BRSK1: variants seen among roughly 807,000 people sequenced by gnomAD.
BRSK1 encodes serine/threonine-protein kinase BRSK1.
A neutral mutation model predicts 86.2 loss-of-function variants in BRSK1; 17 were observed. That is an observed-to-expected ratio of 0.20 (90% confidence interval 0.14 to 0.30). BRSK1 has a LOEUF of 0.30. Ranked by LOEUF, BRSK1 falls within the 10% of genes least tolerant of loss-of-function variation. The pLI is 1.00. For missense variants in BRSK1, 719 were observed against 1,071.9 expected, an observed-to-expected ratio of 0.67 and a Z score of 4.60; for synonymous variants, 464 against 440.1, an observed-to-expected ratio of 1.05 and a Z score of -0.68.
chr19:55,302,546 G>C lies in BRSK1; in HGVS notation c.858-151G>C, dbSNP rs144092764. 2 of 1,014,798 alleles carry C rather than the reference G, an allele frequency of 2.0e-6. No homozygotes were observed. Among genetic ancestry groups the C allele is most frequent in the East Asian group, 4.9e-5 (2 of 40,692 alleles). 62.9% of individuals were successfully genotyped at this position (1,014,798 alleles called of 1,614,324 possible). On this transcript the variant is annotated intron_variant, in intron 9 of 18. Coordinates refer to ENST00000309383, the MANE Select transcript of BRSK1 (RefSeq NM_032430.2). The surrounding 1 kb of genome is among the most constrained non-coding windows in gnomAD (Gnocchi z 6.3). Reference sequence around the variant, plus strand: ...CTGGACTCCTGGGTCTGAGATGGGGGGCGAGGTCTGGGGCGTCTGGATTCC... The same window carrying C: ...CTGGACTCCTGGGTCTGAGATGGGGCGCGAGGTCTGGGGCGTCTGGATTCC...
intron 14 of BRSK1, 116 bp downstream of exon 14, chr19:55,305,036 CCA>C (rs2088628865): frequency 2.0e-6 from 3 of 1,463,580 alleles, no homozygotes. Flanking sequence ...GCCTGGATTC[CCA>C]CGTTCTAGAG....
rs1378692450 is a variant in BRSK1 at position 55,303,681 on chromosome 19, C to T, written c.1141C>T (p.Arg381Cys). 1 of 1,606,508 alleles carries T rather than the reference C, an allele frequency of 6.2e-7. No individual in the cohort carries two copies. Among genetic ancestry groups the T allele is most frequent in the Non-Finnish European group, 8.5e-7 (1 of 1,175,840 alleles). Residue 381 changes from arginine (R) to cysteine (C), a missense_variant, in exon 12 of 19, where the codon CGT (arginine) becomes TGT (cysteine). This residue lies in a region of BRSK1 where 168 missense variants were observed against 246.3 expected (regional missense o/e 0.68). Transcript: ENST00000309383. This position sits in a 1 kb window ranked among gnomAD's most constrained non-coding sequence, Gnocchi z 5.1. Reference protein sequence around the residue: ...PRNDVDPPRKRVDSPMLSRHG... With the variant: ...PRNDVDPPRKCVDSPMLSRHG... Reference sequence around the variant, plus strand: ...TTGTCCCTCAGACCCCCCCCGGAAGCGTGTGGATTCTCCCATGCTGAGCCG... The same window carrying T: ...TTGTCCCTCAGACCCCCCCCGGAAGTGTGTGGATTCTCCCATGCTGAGCCG...
chr19:55,299,054 G>A (rs1318354187), intron 7 of BRSK1, among the ~76,000 whole-genome samples: 1 of 152,128 alleles, frequency 6.6e-6, no homozygotes, highest in Non-Finnish European at 1.5e-5. Context: ...CAATCAGGAG[G>A]CTGAGGCAGG....
chr19:55,301,866 G>C (rs1453643002), intron 8 of BRSK1, among the ~76,000 whole-genome samples: 1 of 152,210 alleles, frequency 6.6e-6, no homozygotes, highest in Non-Finnish European at 1.5e-5. Flanking sequence ...GGGAGCTCCA[G>C]GCAGCGGGAG....
rs924190659 is a variant in BRSK1, at chr19:55,310,841, C to A, written c.2180-1070C>A. ...AACCAGGGGTCTCAAAACGGGCACA[C>A]CCTGGAAGATGTAGGACTAACAGGC... On this transcript the variant is annotated intron_variant, in intron 18 of 18. Transcript: ENST00000309383. The surrounding 1 kb of genome is among the most constrained non-coding windows in gnomAD (Gnocchi z 5.0). Among the ~76,000 whole-genome samples, 2 of 152,146 alleles carry A rather than the reference C, an allele frequency of 1.3e-5. No homozygotes were observed. Among genetic ancestry groups the A allele is most frequent in the Admixed American group, 6.5e-5 (1 of 15,272 alleles).
In BRSK1 at chr19:55,306,579, G is replaced by C. The variant is rs1228429657; in HGVS notation, c.2089+129G>C. 1.1e-5 allele frequency: 12 copies of C among 1,068,728 alleles called. No individual in the cohort carries two copies. The highest frequency in any genetic ancestry group is 2.1e-5 in the Admixed American group (1 of 47,930). 66.2% of individuals were successfully genotyped at this position (1,068,728 alleles called of 1,614,324 possible). A position where few individuals can be genotyped will look rare whatever the true frequency, so the allele number is the denominator to read the frequency against. On this transcript the variant is annotated intron_variant, in intron 17 of 18. Coordinates refer to ENST00000309383, the MANE Select transcript of BRSK1 (RefSeq NM_032430.2). This position sits in a 1 kb window ranked among gnomAD's most constrained non-coding sequence, Gnocchi z 4.7. ...TGTTCAGCTGGTGCCGACTCTCTGT[G>C]CTCCTCCTGCCCACACAGACCGCCC... is the stretch of plus-strand genomic sequence containing the variant.
chr19:55,308,311 C>T (rs1019113049), intron 17 of BRSK1, among the ~76,000 whole-genome samples: 1 of 152,150 alleles, frequency 6.6e-6, no homozygotes, highest in African/African-American at 2.4e-5. Context: ...AGGCATGAGC[C>T]CCTGTACCTG....
intron 4 of BRSK1, 145 bp from the exon 5 acceptor site, chr19:55,293,872 C>A (rs1254525154): frequency 1.7e-5 from 10 of 596,142 alleles, no homozygotes; most frequent in Admixed American, 9.0e-5. Context: ...TTAAAAAGAC[C>A]AAAATTAATG....
At chr19:55,286,805 C>T (rs1401951172) in intron 1 of BRSK1, among the ~76,000 whole-genome samples, 1 of 151,518 alleles carries the variant, frequency 6.6e-6, no homozygotes, top group Admixed American at 6.6e-5. Flanking sequence ...TCAGGAGGAA[C>T]GGACTGGCAG....
Position 55,284,492 on chromosome 19 carries a change from T to TCCCCCC in BRSK1, c.55_56insCCCCCC (p.Pro18_His19insProPro). The TCCCCCC allele has an allele frequency of 1.3e-6, 1 of 776,246 alleles. No homozygotes were observed. The allele number at this position is 776,246 out of a possible 1,614,324, so 48.1% of individuals were successfully genotyped here. The stretch of plus-strand genomic sequence containing the variant: ...GGTGGGGGCTCTCCCGCCTACCACC[T>TCCCCCC]CCCCCACCCCCACCCCCACCCACCC... On this transcript the variant is annotated inframe_insertion, in exon 1 of 19. Transcript: ENST00000309383.
rs1433158465 is a variant in BRSK1 at position 55,302,721 on chromosome 19, G to A, written c.882G>A (p.Pro294=). 4 of 1,612,230 alleles carry A rather than the reference G, an allele frequency of 2.5e-6. No individual in the cohort carries two copies. The highest frequency in any genetic ancestry group is 2.2e-5 in the South Asian group (2 of 91,040). The change falls in exon 10 of 19, where the codon CCG becomes CCA. Residue 294 remains proline (P), a synonymous_variant. Transcript: ENST00000309383. The surrounding 1 kb of genome is among the most constrained non-coding windows in gnomAD (Gnocchi z 6.3). ...GAGGCGGGAAACACGAGCCAGACCCGTGCCTGGAGCCAGCCCCTGGCCGCC... is the reference window on the plus strand; with the variant it reads ...GAGGCGGGAAACACGAGCCAGACCCATGCCTGGAGCCAGCCCCTGGCCGCC... ...WYLGGKHEPD[P]CLEPAPGRRV... is the part of the protein sequence containing the mutation.
At chr19:55,301,971 C>T in intron 8 of BRSK1, 166 bp from the exon 9 acceptor site, 1 of 902,352 alleles carries the variant, frequency 1.1e-6, no homozygotes, top group Non-Finnish European at 1.8e-6. Context: ...GTGCGCGGGG[C>T]GATGCACTCA....
intron 1 of BRSK1, among the ~76,000 whole-genome samples, chr19:55,285,557 G>A (rs2088297611): frequency 6.6e-6 from 1 of 152,160 alleles, no homozygotes; most frequent in East Asian, 1.9e-4. Flanking sequence ...GGGCCGTGGG[G>A]CCTAAGACAT....
intron 3 of BRSK1, among the ~76,000 whole-genome samples, chr19:55,288,523 G>A (rs2088356745): frequency 6.6e-6 from 1 of 151,096 alleles, no homozygotes; most frequent in African/African-American, 2.4e-5. Context: ...AAAAAAAAAT[G>A]GTTGATGGAA....
At chr19:55,301,364 C>G (rs2088567091) in intron 7 of BRSK1, 148 bp from the exon 8 acceptor site, 1 of 918,978 alleles carries the variant, frequency 1.1e-6, no homozygotes, top group Admixed American at 3.0e-5. Flanking sequence ...GTGCCACGGA[C>G]GAGCTAGGGG....
intron 4 of BRSK1, among the ~76,000 whole-genome samples, chr19:55,291,754 C>T (rs1007890037): frequency 7.2e-5 from 11 of 151,956 alleles, no homozygotes; most frequent in African/African-American, 2.4e-4. Context: ...CTTAAATTTT[C>T]GGTTTTTGTC....
intron 1 of BRSK1, among the ~76,000 whole-genome samples, chr19:55,286,144 G>A (rs1340270582): frequency 8.0e-6 from 1 of 125,066 alleles, no homozygotes; most frequent in Non-Finnish European, 1.7e-5. Context: ...TCTGAGGGAG[G>A]AAGGGGCTGG....
In BRSK1 at chr19:55,312,110, C is replaced by A. The variant is rs117077997; in HGVS notation, c.*42C>A. On this transcript the variant is annotated 3_prime_UTR_variant, in exon 19 of 19. Coordinates refer to ENST00000309383, the MANE Select transcript of BRSK1 (RefSeq NM_032430.2). ...AGGGAGGGGACCCCCCTCCACCCCC[C>A]TTCCGTGCCCCCCAACTGTGAATCT... The A allele has an allele frequency of 8.6e-4, 761 of 879,922 alleles. 6 individuals carry two copies. The highest frequency in any genetic ancestry group is 6.6e-3 in the East Asian group (215 of 32,786). 54.5% of individuals were successfully genotyped at this position (879,922 alleles called of 1,614,324 possible).
intron 8 of BRSK1, 190 bp from the exon 9 acceptor site, chr19:55,301,947 C>A: frequency 2.4e-6 from 2 of 840,676 alleles, no homozygotes; most frequent in Non-Finnish European, 2.0e-6. Context: ...GTCCGGGGTA[C>A]ACGGAGACCG....
Sources: gnomAD v4.1 joint callset for allele counts (sites outside exome capture counted in the v4.1 genomes callset) on GRCh38, gnomAD v4.1.1 for gene constraint, gnomAD v4.1.1 regional missense constraint, Gnocchi (gnomAD v3.1) non-coding constraint, MANE v1.5 for transcripts, NCBI Gene and HGNC (gene_info 2026-07-23, HGNC 2026-07-21) for gene names.